Variants in SCARA5 observed in about 807,000 individuals in gnomAD.
The protein encoded by SCARA5 is scavenger receptor class A member 5.
A neutral mutation model predicts 46.3 loss-of-function variants in SCARA5; 45 were observed. The ratio of observed to expected loss-of-function variants is 0.97; its 90% CI spans 0.76 to 1.24. The LOEUF (loss-of-function observed/expected upper bound fraction) is 1.24, where lower values mean the gene tolerates loss of function less well. SCARA5 is among the 50% of genes most tolerant of loss of function. The pLI, the probability that SCARA5 is intolerant of heterozygous loss-of-function variation, is 0.00. For missense variants in SCARA5, 680 were observed against 689.0 expected (o/e 0.99, Z 0.15); for synonymous variants, 333 against 306.5 (o/e 1.09, Z -0.90).
chr8:27,897,426 A>G lies in SCARA5; in HGVS notation c.1153+7352T>C, dbSNP rs1208430757. Among the ~76,000 whole-genome samples, 52 of 152,274 alleles carry G rather than the reference A, an allele frequency of 3.4e-4. 1 individual carries two copies. Among genetic ancestry groups the G allele is most frequent in the Admixed American group, 3.4e-3 (52 of 15,290 alleles). On this transcript the variant is annotated intron_variant, in intron 7 of 8. Coordinates refer to ENST00000354914, the MANE Select transcript of SCARA5 (RefSeq NM_173833.6). ...ACTCTTGGTTTTCATGTACATCTCA[A>G]CGTAAAAACTTTTCTTTGTTCAAAA...
intron 2 of SCARA5, among the ~76,000 whole-genome samples, chr8:27,984,503 T>TCCA (rs1808670152): frequency 1.3e-5 from 2 of 152,232 alleles, no homozygotes; most frequent in African/African-American, 4.8e-5. Flanking sequence ...TATTTATTCA[T>TCCA]TCATCTATCC....
chr8:27,905,110 A>T (rs890707859), intron 6 of SCARA5, among the ~76,000 whole-genome samples: 2 of 152,080 alleles, frequency 1.3e-5, no homozygotes, highest in African/African-American at 4.8e-5. Context: ...CAAGTCAAAG[A>T]TAGTCCTATT....
intron 3 of SCARA5, among the ~76,000 whole-genome samples, chr8:27,964,503 T>C (rs1170860647): frequency 6.6e-6 from 1 of 152,170 alleles, no homozygotes; most frequent in Admixed American, 6.5e-5. Context: ...TCCAGGACAT[T>C]ATTATAAACC....
At chr8:27,963,965 G>A (rs2685404) in intron 3 of SCARA5, among the ~76,000 whole-genome samples, 113,500 of 152,038 alleles carry the variant, frequency 0.75, 42,689 homozygotes, top group Non-Finnish European at 0.79. Context: ...CTGGGCACAG[G>A]CAGTGAGTTC....
At chr8:27,885,025 CGGGTG>C (rs1215564817) in intron 7 of SCARA5, among the ~76,000 whole-genome samples, 4 of 128,708 alleles carry the variant, frequency 3.1e-5, no homozygotes, top group African/African-American at 1.5e-4. Flanking sequence ...CCATCTTGGC[CGGGTG>C]GACAAGGAAG....
intron 7 of SCARA5, chr8:27,886,241 A>G (rs190260174): frequency 1.3e-5 from 2 of 152,576 alleles, no homozygotes; most frequent in Admixed American, 6.5e-5. Flanking sequence ...GCTTCCCCCC[A>G]TGGTGGAGGG....
rs71519662 is a variant in SCARA5, at chr8:27,979,409, G to A, written c.112+8095C>T. 3.3e-3 allele frequency among the ~76,000 whole-genome samples: 509 copies of A among 152,312 alleles called. 2 individuals are homozygous for A. The highest frequency in any genetic ancestry group is 5.5e-3 in the Non-Finnish European group (373 of 68,032). ...ATGTGGAATAACTCACGTAACCCTT[G>A]CAAAAGCGTATGAGCCAGGCGCTAC... On this transcript the variant is annotated intron_variant, in intron 2 of 8. Coordinates refer to ENST00000354914, the MANE Select transcript of SCARA5 (RefSeq NM_173833.6).
At chr8:27,887,177 A>G (rs1806909986) in intron 7 of SCARA5, among the ~76,000 whole-genome samples, 1 of 152,106 alleles carries the variant, frequency 6.6e-6, no homozygotes, top group Non-Finnish European at 1.5e-5. Flanking sequence ...CTGCCCTTCA[A>G]TGACTGCGAG....
intron 3 of SCARA5, among the ~76,000 whole-genome samples, chr8:27,961,659 G>T (rs1013667587): frequency 2.0e-5 from 3 of 152,130 alleles, no homozygotes; most frequent in African/African-American, 7.2e-5. Context: ...ACTCAGACAG[G>T]CTGGCTCCAA....
At position 27,966,551 on chromosome 8, in the gene SCARA5, T is replaced by C; in HGVS notation, c.113-9A>G. The C allele has an allele frequency of 1.2e-6, 2 of 1,601,480 alleles. No individual in the cohort carries two copies. Among genetic ancestry groups the C allele is most frequent in the Non-Finnish European group, 1.7e-6 (2 of 1,176,440 alleles). ...CCGTTTGTGACATGGACCTGGACAATAAGGGTAAGAGGAGGAAGGAAAGAA... is the reference window on the plus strand; with the variant it reads ...CCGTTTGTGACATGGACCTGGACAACAAGGGTAAGAGGAGGAAGGAAAGAA... On this transcript the variant is annotated splice_polypyrimidine_tract_variant and intron_variant, in intron 2 of 8. Coordinates refer to ENST00000354914, the MANE Select transcript of SCARA5 (RefSeq NM_173833.6).
At chr8:27,909,235 C>T (rs1240103750) in intron 5 of SCARA5, among the ~76,000 whole-genome samples, 8 of 152,126 alleles carry the variant, frequency 5.3e-5, no homozygotes, top group Non-Finnish European at 8.8e-5. Context: ...ATTCATGACC[C>T]ATTCGTAGAC....
chr8:27,975,696 G>GTT (rs143321203), intron 2 of SCARA5, among the ~76,000 whole-genome samples: 4 of 151,388 alleles, frequency 2.6e-5, no homozygotes, highest in South Asian at 2.1e-4. Flanking sequence ...AAACATTTTG[G>GTT]TTTTTTTTTC....
At chr8:27,987,789 G>A (rs1297827705) in intron 1 of SCARA5, among the ~76,000 whole-genome samples, 159 bp from the exon 2 acceptor site, 4 of 152,214 alleles carry the variant, frequency 2.6e-5, no homozygotes, top group Non-Finnish European at 4.4e-5. Context: ...CCAGGACCCA[G>A]GTGCCATCCT....
chr8:27,916,356 C>A (rs1044636904), intron 4 of SCARA5, among the ~76,000 whole-genome samples: 1 of 152,016 alleles, frequency 6.6e-6, no homozygotes, highest in African/African-American at 2.4e-5. Context: ...TATGTATATA[C>A]ATGTGCATGT....
intron 5 of SCARA5, among the ~76,000 whole-genome samples, chr8:27,908,223 T>G (rs1444983337): frequency 6.6e-6 from 1 of 152,196 alleles, no homozygotes; most frequent in Non-Finnish European, 1.5e-5. Context: ...TCCCTTCCCT[T>G]GCATACACAC....
chr8:27,975,747 C>T (rs1386885069), intron 2 of SCARA5, among the ~76,000 whole-genome samples: 1 of 152,110 alleles, frequency 6.6e-6, no homozygotes, highest in Admixed American at 6.5e-5. Flanking sequence ...ACACCAGTGA[C>T]CTCTGCCCTG....
At chr8:27,982,721 G>A (rs1292545703) in intron 2 of SCARA5, among the ~76,000 whole-genome samples, 1 of 152,190 alleles carries the variant, frequency 6.6e-6, no homozygotes, top group African/African-American at 2.4e-5. Flanking sequence ...CAGAGAGCAA[G>A]GGGTACCTGC....
chr8:27,977,689 C>G (rs73669118), intron 2 of SCARA5, among the ~76,000 whole-genome samples: 1,880 of 152,340 alleles, frequency 0.012, 35 homozygotes, highest in African/African-American at 0.042. Flanking sequence ...CACTGCACCT[C>G]CCGGTTAAGA....
At chr8:27,903,933 A>G (rs1472730776) in intron 7 of SCARA5, among the ~76,000 whole-genome samples, 1 of 152,158 alleles carries the variant, frequency 6.6e-6, no homozygotes, top group Non-Finnish European at 1.5e-5. Context: ...CTAACACCAC[A>G]TGCTGGGTTT....
Sources: allele counts gnomAD v4.1 joint callset (sites outside exome capture counted in the v4.1 genomes callset), GRCh38; gene constraint gnomAD v4.1.1; transcripts MANE v1.5; gene names NCBI Gene and HGNC (gene_info 2026-07-23, HGNC 2026-07-21).